TAF1: variants seen among roughly 807,000 people sequenced by gnomAD.
TAF1 encodes the protein TATA-box binding protein associated factor 1.
In TAF1, 2 loss-of-function variants were observed where a neutral mutation model predicts 138.5. The ratio of observed to expected loss-of-function variants is 0.01; its 90% CI spans 0.01 to 0.05. The LOEUF (loss-of-function observed/expected upper bound fraction) is 0.05. Ranked by LOEUF, TAF1 falls within the 10% of genes least tolerant of loss-of-function variation. The pLI is 1.00. For synonymous variants in TAF1, 437 were observed against 503.2 expected, an observed-to-expected ratio of 0.87 and a Z score of 1.76; for missense variants, 709 against 1,478.0, an observed-to-expected ratio of 0.48 and a Z score of 8.53.
At position 71,367,054 on chromosome X, in the gene TAF1, T is replaced by A. The variant is rs887344371; in HGVS notation, c.121-445T>A. Reference sequence around the variant, plus strand: ...GTCCTGCGCCCTAGTGAAACTACCCTGCCTTCACTTAGGCCCGTTTTCTTG... The same window carrying A: ...GTCCTGCGCCCTAGTGAAACTACCCAGCCTTCACTTAGGCCCGTTTTCTTG... On this transcript the variant is annotated intron_variant, in intron 1 of 37. Transcript: ENST00000423759. 9.8e-5 allele frequency among the ~76,000 whole-genome samples: 11 copies of A among 112,133 alleles called. 1 individual carries two copies. The highest frequency in any genetic ancestry group is 2.9e-4 in the African/African-American group (9 of 30,886).
chrX:71,413,653 C>G (rs912314862), intron 28 of TAF1, among the ~76,000 whole-genome samples: 1 of 111,381 alleles, frequency 9.0e-6, no homozygotes, highest in Non-Finnish European at 1.9e-5. Flanking sequence ...CTTCAGGGCT[C>G]CATACCTGTG....
intron 6 of TAF1, 76 bp from the exon 7 acceptor site, chrX:71,378,159 A>C: frequency 9.7e-7 from 1 of 1,028,367 alleles, no homozygotes; most frequent in Non-Finnish European, 1.3e-6. Context: ...TCCCCTCCTG[A>C]CTGTTAACTC....
intron 13 of TAF1, among the ~76,000 whole-genome samples, chrX:71,513,384 C>T (rs2039767359): frequency 9.0e-6 from 1 of 111,657 alleles, no homozygotes. Context: ...GTAGTCGTTC[C>T]ACTGAGGCTG....
chrX:71,432,564 C>T (rs1602655632), intron 32 of TAF1, among the ~76,000 whole-genome samples: 1 of 106,766 alleles, frequency 9.4e-6, no homozygotes, highest in African/African-American at 3.4e-5. Flanking sequence ...CTCATCAAAT[C>T]AAGTTAGGAA....
chrX:71,389,182 G>T (rs929341092), intron 17 of TAF1, among the ~76,000 whole-genome samples: 3 of 111,710 alleles, frequency 2.7e-5, no homozygotes, highest in Non-Finnish European at 5.6e-5. Flanking sequence ...TATAAGCAGG[G>T]AAAGTACTTG....
downstream of TAF1, among the ~76,000 whole-genome samples, chrX:71,467,533 A>G (rs181388413): frequency 6.2e-5 from 7 of 112,277 alleles, no homozygotes; most frequent in East Asian, 1.7e-3. Flanking sequence ...AATAATTTCT[A>G]TATCTACAAT....
At chrX:71,514,206 G>C (rs2039784435) in intron 13 of TAF1, among the ~76,000 whole-genome samples, 1 of 111,117 alleles carries the variant, frequency 9.0e-6, no homozygotes, top group Non-Finnish European at 1.9e-5. Flanking sequence ...TGTAGTTCTA[G>C]CTACCCGGGA....
At position 71,382,440 on chromosome X, in the gene TAF1, A is replaced by G. The variant is rs1569282437; in HGVS notation, c.1538-96A>G. The stretch of plus-strand genomic sequence containing the variant: ...AGGTCTAGTTAAGACCTTCACTGGA[A>G]CATCCGTCACCTTAAAGAAGAAAAC... On this transcript the variant is annotated intron_variant, in intron 9 of 37. Coordinates refer to ENST00000423759, the MANE Select transcript of TAF1 (RefSeq NM_004606.5). 4.5e-6 allele frequency: 5 copies of G among 1,115,249 alleles called. No homozygotes were observed. In the East Asian group the frequency reaches 1.2e-4, roughly 27 times the overall value. The allele number at this position is 1,115,249 out of a possible 1,213,427, so 91.9% of individuals were successfully genotyped here.
chrX:71,430,456 G>A (rs905326921), intron 32 of TAF1, among the ~76,000 whole-genome samples: 2 of 110,250 alleles, frequency 1.8e-5, no homozygotes, highest in Non-Finnish European at 3.8e-5. Context: ...GGTAGACTTA[G>A]CTAACAAATT....
At chrX:71,374,158 A>AC (rs2033301735) in intron 3 of TAF1, among the ~76,000 whole-genome samples, 1 of 109,046 alleles carries the variant, frequency 9.2e-6, no homozygotes, top group East Asian at 2.9e-4. Flanking sequence ...ATCTCGGCTT[A>AC]CTGCAACCTT....
At position 71,377,805 on chromosome X, in the gene TAF1, GTC is replaced by G. The variant is rs1457742536; in HGVS notation, c.923_924del (p.Ser308Ter). ...GCTCCACCACCACCTCCAGAGCAGT[GTC>G]TCTCTGATGATGAAGTAGGCAAAAT... On this transcript the variant is annotated frameshift_variant, in exon 6 of 38. Coordinates refer to ENST00000423759, the MANE Select transcript of TAF1 (RefSeq NM_004606.5). LOFTEE classifies it high-confidence loss of function. The G allele has an allele frequency of 8.3e-7, 1 of 1,204,168 alleles. No homozygotes were observed. The highest frequency in any genetic ancestry group is 1.1e-6 in the Non-Finnish European group (1 of 893,146).
intron 13 of TAF1, among the ~76,000 whole-genome samples, chrX:71,508,027 T>C (rs777793003): frequency 9.6e-6 from 1 of 103,904 alleles, no homozygotes; most frequent in African/African-American, 3.5e-5. Context: ...TAGATAGATA[T>C]AGTAGATATA....
Position 71,483,953 on chromosome X carries a change from C to T in TAF1, c.1366+23150C>T, listed in dbSNP as rs766152458. Reference sequence around the variant, plus strand: ...CCCAATGGCAACATTTTGCAAATATCACAACCAGGATATTGACATTGATAT... The same window carrying T: ...CCCAATGGCAACATTTTGCAAATATTACAACCAGGATATTGACATTGATAT... On this transcript the variant is annotated intron_variant and NMD_transcript_variant, in intron 13 of 14. Transcript: ENST00000373775. Among the ~76,000 whole-genome samples the T allele has an allele frequency of 3.6e-5, 4 of 110,173 alleles. No individual in the cohort carries two copies. The South Asian group carries it at 1.5e-3, about 43-fold the overall frequency.
rs1182988885 is a variant in TAF1, at chrX:71,367,715, G to T, written c.235+102G>T. 7.2e-6 allele frequency: 7 copies of T among 970,434 alleles called. No individual in the cohort carries two copies. The Admixed American group carries it at 2.1e-4, about 30-fold the overall frequency. 80.0% of individuals were successfully genotyped at this position (970,434 alleles called of 1,213,427 possible). A position where few individuals can be genotyped will look rare whatever the true frequency, so the allele number is the denominator to read the frequency against. ...AGACGGAGTTTCGCTCTGTCTCCGAGGTTGGAGTGCAGTGGGGCGATCTGG... is the reference window on the plus strand; with the variant it reads ...AGACGGAGTTTCGCTCTGTCTCCGATGTTGGAGTGCAGTGGGGCGATCTGG... On this transcript the variant is annotated intron_variant, in intron 2 of 37. Coordinates refer to ENST00000423759, the MANE Select transcript of TAF1 (RefSeq NM_004606.5).
intron 3 of TAF1, among the ~76,000 whole-genome samples, chrX:71,372,579 C>T (rs1200042409): frequency 2.8e-5 from 3 of 107,897 alleles, no homozygotes; most frequent in African/African-American, 1.0e-4. Flanking sequence ...TTGGAGGTTG[C>T]AGTGAGCTAT....
chrX:71,420,693 A>G (rs878868715), intron 28 of TAF1, among the ~76,000 whole-genome samples: 1 of 112,824 alleles, frequency 8.9e-6, no homozygotes, highest in East Asian at 2.8e-4. Context: ...TCGACCAGTC[A>G]TGGCTCCTCC....
chrX:71,366,572 G>T (rs2032508030), intron 1 of TAF1, 78 bp downstream of exon 1: 2 of 1,000,641 alleles, frequency 2.0e-6, no homozygotes, highest in Non-Finnish European at 2.7e-6. Flanking sequence ...GAAAGGAGAG[G>T]GTGCTCAGGC....
chrX:71,367,981 C>T (rs1602424309), intron 2 of TAF1, 73 bp from the exon 3 acceptor site: 2 of 1,091,198 alleles, frequency 1.8e-6, no homozygotes, highest in African/African-American at 1.8e-5. Context: ...TGTACATGTA[C>T]TTTTAAATGG....
At chrX:71,393,187 G>A in intron 20 of TAF1, 114 bp from the exon 21 acceptor site, 1 of 1,101,576 alleles carries the variant, frequency 9.1e-7, no homozygotes, top group Admixed American at 3.2e-5. Context: ...TGGTCTAACT[G>A]TGTACATTGG....
Sources: allele counts gnomAD v4.1 joint callset (sites outside exome capture counted in the v4.1 genomes callset), GRCh38; gene constraint gnomAD v4.1.1; transcripts MANE v1.5; gene names NCBI Gene and HGNC (gene_info 2026-07-23, HGNC 2026-07-21).